Variants in CNTNAP5 observed in about 807,000 individuals in gnomAD.
CNTNAP5 encodes contactin-associated protein-like 5.
CNTNAP5 carries 72 observed loss-of-function variants against 150.2 expected under a neutral mutation model. That is an observed-to-expected ratio of 0.48 (90% CI 0.40 to 0.58). The LOEUF is 0.58. Ranked by LOEUF, CNTNAP5 falls within the 20% of genes least tolerant of loss-of-function variation. The pLI is 0.00. For synonymous variants in CNTNAP5, 672 were observed against 619.8 expected, an observed-to-expected ratio of 1.08 and a Z score of -1.25; for missense variants, 1,636 against 1,626.2, an observed-to-expected ratio of 1.01 and a Z score of -0.10.
In CNTNAP5 at chr2:124,549,693, C is replaced by A. The variant is rs924506143; in HGVS notation, c.1650-13524C>A. Among the ~76,000 whole-genome samples, 72 of 152,282 alleles carry A rather than the reference C, an allele frequency of 4.7e-4. 1 individual carries two copies. The highest frequency in any genetic ancestry group is 2.2e-3 in the Admixed American group (33 of 15,302). On this transcript the variant is annotated intron_variant, in intron 10 of 23. Transcript: ENST00000682447. ...GTAGATGTTTTTCAATAAGACTGAT[C>A]TAGAAGCGTTCAAAAGTAGGTATAA...
Position 124,434,471 on chromosome 2 carries a change from TC to T in CNTNAP5, c.530-12del. On this transcript the variant is annotated splice_polypyrimidine_tract_variant and intron_variant, in intron 4 of 23. Coordinates refer to ENST00000682447, the MANE Select transcript of CNTNAP5 (RefSeq NM_001367498.1). ...GCACTAATTTTTCTTTCCCGCTCCT[TC>T]TTTGTTCCCAGAATCAGATGTTGCT... The T allele has an allele frequency of 1.2e-6, 2 of 1,610,524 alleles. No homozygotes were observed. Among genetic ancestry groups the T allele is most frequent in the Non-Finnish European group, 1.7e-6 (2 of 1,176,690 alleles).
At chr2:124,079,307 C>G (rs1240111022) in intron 1 of CNTNAP5, among the ~76,000 whole-genome samples, 1 of 152,178 alleles carries the variant, frequency 6.6e-6, no homozygotes, top group Non-Finnish European at 1.5e-5. Flanking sequence ...CCATGTTCTT[C>G]CCATCACACC....
intron 13 of CNTNAP5, among the ~76,000 whole-genome samples, chr2:124,704,147 G>A (rs900391): frequency 1.7e-3 from 263 of 152,218 alleles, no homozygotes; most frequent in African/African-American, 4.2e-3. Context: ...ATAACATACC[G>A]GATTTAAATC....
At chr2:124,619,448 G>A (rs1481203714) in intron 12 of CNTNAP5, among the ~76,000 whole-genome samples, 1 of 152,148 alleles carries the variant, frequency 6.6e-6, no homozygotes, top group Non-Finnish European at 1.5e-5. Flanking sequence ...AGAAGAATCG[G>A]CTTCTGAGGT....
intron 21 of CNTNAP5, among the ~76,000 whole-genome samples, chr2:124,870,704 C>T (rs1677727631): frequency 6.6e-6 from 1 of 152,118 alleles, no homozygotes. Context: ...AAGTTAGTTG[C>T]TTACAAGATT....
At chr2:124,164,057 T>A (rs1445764656) in intron 1 of CNTNAP5, among the ~76,000 whole-genome samples, 1 of 152,182 alleles carries the variant, frequency 6.6e-6, no homozygotes, top group Non-Finnish European at 1.5e-5. Flanking sequence ...CTGTTCTCCT[T>A]GTGTTTCTGG....
chr2:124,354,520 G>T (rs550507605), intron 3 of CNTNAP5, among the ~76,000 whole-genome samples: 1 of 152,304 alleles, frequency 6.6e-6, no homozygotes, highest in South Asian at 2.1e-4. Context: ...AGCTAATCTT[G>T]CCAGATGGGA....
intron 9 of CNTNAP5, 149 bp from the exon 10 acceptor site, chr2:124,527,136 A>G (rs1221945131): frequency 2.0e-5 from 12 of 613,796 alleles, no homozygotes; most frequent in Non-Finnish European, 2.8e-5. Context: ...CTCCCTGAGA[A>G]TGCTAGGATT....
intron 1 of CNTNAP5, among the ~76,000 whole-genome samples, chr2:124,044,180 G>C (rs149456928): frequency 6.6e-6 from 1 of 152,044 alleles, no homozygotes; most frequent in African/African-American, 2.4e-5. Flanking sequence ...TACTGCTTAC[G>C]GTGTGCCAGA....
At position 124,906,397 on chromosome 2, in the gene CNTNAP5, T is replaced by C. The variant is rs1056231996; in HGVS notation, c.3655+3297T>C. The stretch of plus-strand genomic sequence containing the variant: ...TGATAAAGCTCCCATTTTACTATGG[T>C]ATTGTTTTACCCTCCCCTTGCTTCC... On this transcript the variant is annotated intron_variant, in intron 22 of 23. Transcript: ENST00000682447. Among the ~76,000 whole-genome samples, 8 of 152,200 alleles carry C rather than the reference T, an allele frequency of 5.3e-5. No homozygotes were observed. The South Asian group carries it at 1.7e-3, about 32-fold the overall frequency.
At chr2:124,257,728 C>T (rs116459249) in intron 3 of CNTNAP5, among the ~76,000 whole-genome samples, 1,641 of 151,928 alleles carry the variant, frequency 0.011, 21 homozygotes, top group South Asian at 0.025. Context: ...CACCCCCCTC[C>T]GCCCCCACCC....
intron 1 of CNTNAP5, among the ~76,000 whole-genome samples, chr2:124,135,618 TGTG>T (rs1287201467): frequency 6.6e-6 from 1 of 152,206 alleles, no homozygotes; most frequent in Non-Finnish European, 1.5e-5. Flanking sequence ...TGCCTCCCCT[TGTG>T]GAGTCTATAA....
At chr2:124,451,043 A>AAAAT (rs1692958000) in intron 6 of CNTNAP5, among the ~76,000 whole-genome samples, 1 of 74,840 alleles carries the variant, frequency 1.3e-5, no homozygotes, top group Non-Finnish European at 2.6e-5. Context: ...AAAAAAAAAA[A>AAAAT]AAAAAAAAAT....
chr2:124,592,375 A>G (rs930407319), intron 11 of CNTNAP5, among the ~76,000 whole-genome samples: 307 of 149,830 alleles, frequency 2.0e-3, no homozygotes, highest in African/African-American at 4.2e-3. Context: ...GTATATATAT[A>G]TGTGTGTGTG....
intron 19 of CNTNAP5, among the ~76,000 whole-genome samples, chr2:124,839,161 G>T (rs1030351665): frequency 6.6e-6 from 1 of 152,076 alleles, no homozygotes; most frequent in African/African-American, 2.4e-5. Context: ...CCTTCCAGTA[G>T]AGTGTATGGT....
At chr2:124,580,061 TCTAA>T (rs1696375243) in intron 11 of CNTNAP5, among the ~76,000 whole-genome samples, 2 of 152,222 alleles carry the variant, frequency 1.3e-5, no homozygotes, top group African/African-American at 2.4e-5. Flanking sequence ...CACCCTCTAC[TCTAA>T]CTTTCACAGA....
intron 8 of CNTNAP5, among the ~76,000 whole-genome samples, chr2:124,520,481 CAT>C (rs2104882286): frequency 6.6e-6 from 1 of 152,294 alleles, no homozygotes; most frequent in African/African-American, 2.4e-5. Context: ...CCACGAACAA[CAT>C]ATAAAATTGA....
At chr2:124,076,685 C>T (rs1411083523) in intron 1 of CNTNAP5, among the ~76,000 whole-genome samples, 1 of 152,010 alleles carries the variant, frequency 6.6e-6, no homozygotes, top group Non-Finnish European at 1.5e-5. Flanking sequence ...GTGCATTAAC[C>T]CTGTTTTGGA....
chr2:124,771,328 T>G (rs1044813207), intron 16 of CNTNAP5, among the ~76,000 whole-genome samples: 4 of 152,128 alleles, frequency 2.6e-5, no homozygotes, highest in African/African-American at 9.7e-5. Context: ...AATTTGTAAA[T>G]TACAATTAGC....
Sources: allele counts gnomAD v4.1 joint callset (sites outside exome capture counted in the v4.1 genomes callset), GRCh38; gene constraint gnomAD v4.1.1; transcripts MANE v1.5; gene names NCBI Gene and HGNC (gene_info 2026-07-23, HGNC 2026-07-21).